The following MPPED1 variants were observed in gnomAD, a reference collection of about 807,000 sequenced individuals.
The protein encoded by MPPED1 is metallophosphoesterase domain-containing protein 1.
In MPPED1, 16 loss-of-function variants were observed where a neutral mutation model predicts 36.2. The ratio of observed to expected loss-of-function variants is 0.44; its 90% CI spans 0.30 to 0.67. The LOEUF (loss-of-function observed/expected upper bound fraction) is 0.67. Ranked by LOEUF, MPPED1 falls within the 30% of genes least tolerant of loss-of-function variation. The probability of loss-of-function intolerance (pLI) is 0.10; values close to 1 mark genes in which losing one functional copy is unlikely to be tolerated. For synonymous variants in MPPED1, 199 were observed against 191.3 expected (o/e 1.04, Z -0.33); for missense variants, 307 against 453.4 (o/e 0.68, Z 2.93).
intron 4 of MPPED1, among the ~76,000 whole-genome samples, chr22:43,482,401 C>T (rs1015917983): frequency 6.6e-6 from 1 of 152,070 alleles, no homozygotes; most frequent in South Asian, 2.1e-4. Context: ...TTCACTGTCT[C>T]CCGGCAGGGC....
chr22:43,499,623 GTGA>G (rs766780248), intron 5 of MPPED1, among the ~76,000 whole-genome samples: 10,972 of 39,688 alleles, frequency 0.28, 2,286 homozygotes, highest in Admixed American at 0.38. Flanking sequence ...GATGGTGGTG[GTGA>G]TGATGGTGGA....
At chr22:43,494,694 AGTGGTG>A (rs540041967) in intron 4 of MPPED1, among the ~76,000 whole-genome samples, 6 of 136,912 alleles carry the variant, frequency 4.4e-5, no homozygotes, top group Non-Finnish European at 6.2e-5. Context: ...TTTGATTCAC[AGTGGTG>A]GTGGTGGTGG....
chr22:43,468,011 A>G (rs1227604988), intron 3 of MPPED1, among the ~76,000 whole-genome samples: 2 of 152,218 alleles, frequency 1.3e-5, no homozygotes, highest in African/African-American at 2.4e-5. Context: ...TTCCATGCAC[A>G]TCCCCCTCTG....
chr22:43,484,144 A>T (rs1034410223), intron 4 of MPPED1, among the ~76,000 whole-genome samples: 1 of 152,240 alleles, frequency 6.6e-6, no homozygotes, highest in African/African-American at 2.4e-5. Flanking sequence ...GGATGATTCC[A>T]GCACAAGGCT....
intron 3 of MPPED1, among the ~76,000 whole-genome samples, chr22:43,441,384 G>T (rs115709755): frequency 0.01 from 1,543 of 152,270 alleles, 28 homozygotes; most frequent in African/African-American, 0.035. Flanking sequence ...TGCTGTGGGT[G>T]CTCTGTGTGC....
At chr22:43,451,155 C>G (rs574551698) in intron 3 of MPPED1, among the ~76,000 whole-genome samples, 1 of 151,706 alleles carries the variant, frequency 6.6e-6, no homozygotes, top group African/African-American at 2.4e-5. Flanking sequence ...TACAGGCGTG[C>G]GCCACCACAC....
intron 5 of MPPED1, among the ~76,000 whole-genome samples, chr22:43,498,960 C>A (rs1056655789): frequency 1.6e-4 from 24 of 152,150 alleles, no homozygotes; most frequent in African/African-American, 5.8e-4. Flanking sequence ...AAACTGCCTC[C>A]CACTCCCCCT....
intron 6 of MPPED1, among the ~76,000 whole-genome samples, chr22:43,504,719 T>C (rs1219231739): frequency 1.3e-5 from 2 of 151,624 alleles, no homozygotes; most frequent in Non-Finnish European, 2.9e-5. Flanking sequence ...GTGGTGATAA[T>C]GATGATGATA....
At chr22:43,412,570 G>T (rs188920535) in intron 1 of MPPED1, among the ~76,000 whole-genome samples, 10 of 152,288 alleles carry the variant, frequency 6.6e-5, no homozygotes, top group African/African-American at 2.4e-5. Flanking sequence ...TGGCACTTGG[G>T]GGGGAAGAGA....
chr22:43,453,934 C>A (rs1930662036), intron 3 of MPPED1, among the ~76,000 whole-genome samples: 1 of 152,202 alleles, frequency 6.6e-6, no homozygotes, highest in South Asian at 2.1e-4. Context: ...ATCCATTAAA[C>A]AACTTCTTCC....
chr22:43,430,379 G>C (rs1342540849), intron 2 of MPPED1, among the ~76,000 whole-genome samples: 1 of 152,228 alleles, frequency 6.6e-6, no homozygotes, highest in Non-Finnish European at 1.5e-5. Flanking sequence ...GGTTGGTGAA[G>C]TTCTCACAAC....
At chr22:43,499,854 G>GCGA (rs1932595544) in intron 5 of MPPED1, among the ~76,000 whole-genome samples, 1 of 41,806 alleles carries the variant, frequency 2.4e-5, no homozygotes. Context: ...GGTGGTGATG[G>GCGA]TGGAGGTGGT....
intron 2 of MPPED1, among the ~76,000 whole-genome samples, chr22:43,432,348 G>T (rs1929725496): frequency 7.3e-6 from 1 of 136,488 alleles, no homozygotes; most frequent in African/African-American, 2.8e-5. Flanking sequence ...AAGAGAGAAG[G>T]GGAGGAGAGA....
chr22:43,421,078 G>A (rs55871152), intron 1 of MPPED1, among the ~76,000 whole-genome samples: 3,919 of 152,350 alleles, frequency 0.026, 189 homozygotes, highest in African/African-American at 0.09. Flanking sequence ...GGGAGCCCAG[G>A]CGGTCTCCCT....
chr22:43,438,369 C>T (rs1930036233), intron 3 of MPPED1, among the ~76,000 whole-genome samples: 1 of 152,054 alleles, frequency 6.6e-6, no homozygotes. Context: ...TGCAGGGGCC[C>T]TGGGGTGGGA....
rs188660227 is a variant in MPPED1, at chr22:43,420,492, C to T, written c.-78-4416C>T. Among the ~76,000 whole-genome samples the T allele has an allele frequency of 1.8e-3, 276 of 152,092 alleles. 1 individual carries two copies. Among genetic ancestry groups the T allele is most frequent in the African/African-American group, 6.0e-3 (250 of 41,472 alleles). ...CGATCTCGGCTGAATGCAACCTCCACCTCCCCGGTTCATGTGATTCTTCTA... is the reference window on the plus strand; with the variant it reads ...CGATCTCGGCTGAATGCAACCTCCATCTCCCCGGTTCATGTGATTCTTCTA... On this transcript the variant is annotated intron_variant, in intron 1 of 6. Transcript: ENST00000443721.
intron 1 of MPPED1, among the ~76,000 whole-genome samples, chr22:43,415,945 C>T (rs1412907191): frequency 6.6e-6 from 1 of 152,232 alleles, no homozygotes; most frequent in Non-Finnish European, 1.5e-5. Flanking sequence ...ATGCCTGCTT[C>T]CAATTTCTAA....
At chr22:43,451,480 C>G (rs1214683458) in intron 3 of MPPED1, among the ~76,000 whole-genome samples, 2 of 152,168 alleles carry the variant, frequency 1.3e-5, no homozygotes, top group South Asian at 2.1e-4. Context: ...GGATTTCACA[C>G]CTTTCGGAGT....
intron 3 of MPPED1, among the ~76,000 whole-genome samples, chr22:43,463,817 TTC>T (rs1257850833): frequency 2.6e-5 from 2 of 77,814 alleles, no homozygotes; most frequent in South Asian, 4.0e-4. Flanking sequence ...TTTTCTTTCT[TTC>T]TTTCTTTCTT....
Sources: allele counts gnomAD v4.1 joint callset (sites outside exome capture counted in the v4.1 genomes callset), GRCh38; gene constraint gnomAD v4.1.1; transcripts MANE v1.5; gene names NCBI Gene and HGNC (gene_info 2026-07-23, HGNC 2026-07-21).